PDE4D: variants seen among roughly 807,000 people sequenced by gnomAD.
PDE4D encodes the protein 3',5'-cyclic-AMP phosphodiesterase 4D.
A neutral mutation model predicts 87.4 loss-of-function variants in PDE4D; 24 were observed. The observed-to-expected ratio is 0.27, with a 90% CI of 0.20 to 0.39. PDE4D has a LOEUF of 0.39. Among genes scored for constraint, PDE4D ranks in the 10% least tolerant of loss-of-function variants. PDE4D has a pLI of 1.00. For missense variants in PDE4D, 714 were observed against 1,041.0 expected, an observed-to-expected ratio of 0.69 and a Z score of 4.32; for synonymous variants, 384 against 383.2, an observed-to-expected ratio of 1.00 and a Z score of -0.02.
At chr5:60,121,108 C>G (rs530584475) in intron 2 of PDE4D, among the ~76,000 whole-genome samples, 12 of 152,044 alleles carry the variant, frequency 7.9e-5, no homozygotes, top group Admixed American at 2.6e-4. Context: ...CTCGGAATGG[C>G]TCTCCTTGTT....
intron 1 of PDE4D, among the ~76,000 whole-genome samples, chr5:59,649,945 A>ATGTCACTG (rs1402516724): frequency 2.8e-5 from 1 of 35,200 alleles, no homozygotes. Flanking sequence ...CAATGACCCA[A>ATGTCACTG]TGTCACTGTA....
intron 5 of PDE4D, among the ~76,000 whole-genome samples, chr5:59,151,756 G>A (rs552606501): frequency 2.0e-5 from 3 of 152,202 alleles, no homozygotes; most frequent in South Asian, 2.1e-4. Context: ...GGACAGAGTT[G>A]GACTGGGTGA....
chr5:59,247,036 C>T (rs1016738284), intron 1 of PDE4D, among the ~76,000 whole-genome samples: 1 of 152,176 alleles, frequency 6.6e-6, no homozygotes, highest in Non-Finnish European at 1.5e-5. Context: ...ACTACCTACA[C>T]CCACACACAT....
At chr5:60,098,119 T>C (rs1303091247) in intron 2 of PDE4D, among the ~76,000 whole-genome samples, 1 of 151,932 alleles carries the variant, frequency 6.6e-6, no homozygotes, top group Non-Finnish European at 1.5e-5. Context: ...TGACTTCCAC[T>C]TACTCTTTGC....
At chr5:59,958,758 A>G (rs1021859565) in intron 3 of PDE4D, among the ~76,000 whole-genome samples, 2 of 152,174 alleles carry the variant, frequency 1.3e-5, no homozygotes, top group African/African-American at 4.8e-5. Context: ...CAAACGCTGG[A>G]AACATTCCCC....
Position 58,994,812 on chromosome 5 carries a change from G to A in PDE4D, c.922-1347C>T, listed in dbSNP as rs188636451. 2.2e-3 allele frequency among the ~76,000 whole-genome samples: 330 copies of A among 152,066 alleles called. 2 individuals carry two copies. The highest frequency in any genetic ancestry group is 7.5e-3 in the African/African-American group (312 of 41,478). On this transcript the variant is annotated intron_variant, in intron 6 of 14. Transcript: ENST00000340635. ...CAAAAAACCCTCAACCATTTCAATGGACTGTTGGATGAGAGAAATGTGTAT... is the reference window on the plus strand; with the variant it reads ...CAAAAAACCCTCAACCATTTCAATGAACTGTTGGATGAGAGAAATGTGTAT...
chr5:59,993,180 C>G (rs1244716480), intron 2 of PDE4D, among the ~76,000 whole-genome samples: 3 of 152,130 alleles, frequency 2.0e-5, no homozygotes, highest in African/African-American at 7.2e-5. Flanking sequence ...GGGTCTTATT[C>G]CAGATCTTCC....
intron 1 of PDE4D, among the ~76,000 whole-genome samples, chr5:59,826,775 T>A (rs767341825): frequency 1.3e-5 from 2 of 152,224 alleles, no homozygotes; most frequent in African/African-American, 4.8e-5. Flanking sequence ...GCTTTTTTAA[T>A]AGATAAAGGG....
At position 59,488,409 on chromosome 5, in the gene PDE4D, A is replaced by G. The variant is rs79077253; in HGVS notation, c.456-272441T>C. On this transcript the variant is annotated intron_variant, in intron 1 of 14. Coordinates refer to ENST00000340635, the MANE Select transcript of PDE4D (RefSeq NM_001104631.2). ...GATTTGGAATACAGCTATTTAATCTATCAGAAATTAGTTTGGAGTAGATAA... is the reference window on the plus strand; with the variant it reads ...GATTTGGAATACAGCTATTTAATCTGTCAGAAATTAGTTTGGAGTAGATAA... 2.7e-3 allele frequency among the ~76,000 whole-genome samples: 408 copies of G among 152,312 alleles called. 1 individual carries two copies. Among genetic ancestry groups the G allele is most frequent in the Admixed American group, 6.4e-3 (98 of 15,290 alleles).
intron 1 of PDE4D, among the ~76,000 whole-genome samples, chr5:59,307,651 C>T (rs1365383631): frequency 1.3e-5 from 2 of 150,840 alleles, no homozygotes; most frequent in African/African-American, 4.9e-5. Context: ...CAAATCAAAA[C>T]CACAATGAGA....
intron 1 of PDE4D, among the ~76,000 whole-genome samples, chr5:60,287,585 T>C (rs1583310808): frequency 6.6e-6 from 1 of 152,146 alleles, no homozygotes; most frequent in African/African-American, 2.4e-5. Flanking sequence ...ATCCTCTGCC[T>C]CCTTTTCTCT....
At chr5:59,130,583 C>T (rs949751548) in intron 5 of PDE4D, among the ~76,000 whole-genome samples, 1 of 152,122 alleles carries the variant, frequency 6.6e-6, no homozygotes, top group South Asian at 2.1e-4. Flanking sequence ...GTTGGCTAAC[C>T]CAAATTTCGT....
At chr5:59,297,013 C>T (rs1769235476) in intron 1 of PDE4D, among the ~76,000 whole-genome samples, 1 of 152,138 alleles carries the variant, frequency 6.6e-6, no homozygotes, top group South Asian at 2.1e-4. Flanking sequence ...ACACAGGGCT[C>T]ACTGTAATTA....
chr5:59,401,005 A>C (rs1790509959), intron 1 of PDE4D, among the ~76,000 whole-genome samples: 1 of 152,192 alleles, frequency 6.6e-6, no homozygotes, highest in Non-Finnish European at 1.5e-5. Context: ...AAAGTCTAAA[A>C]CTTTTTGGTC....
intron 1 of PDE4D, among the ~76,000 whole-genome samples, chr5:60,414,049 G>A (rs1397102435): frequency 2.0e-5 from 3 of 152,060 alleles, no homozygotes; most frequent in Non-Finnish European, 2.9e-5. Context: ...CTCCCCTTTC[G>A]AAGGTAAGCA....
At chr5:59,811,322 A>G (rs1376495236) in intron 1 of PDE4D, among the ~76,000 whole-genome samples, 1 of 152,192 alleles carries the variant, frequency 6.6e-6, no homozygotes, top group Non-Finnish European at 1.5e-5. Flanking sequence ...CCACCAAGCT[A>G]CTTTTCCCAC....
In PDE4D at chr5:60,185,556, C is replaced by T; in HGVS notation, c.42+1G>A. On this transcript the variant is annotated splice_donor_variant, in intron 2 of 16. Coordinates refer to the PDE4D transcript ENST00000502484. LOFTEE classifies it high-confidence loss of function. Reference sequence around the variant, plus strand: ...AATAGATGAAAACAAAAGTTACTTACACTTTTGCTCCGAGAAAGCAAATCA... The same window carrying T: ...AATAGATGAAAACAAAAGTTACTTATACTTTTGCTCCGAGAAAGCAAATCA... 1 of 1,524,286 alleles carries T rather than the reference C, an allele frequency of 6.6e-7. No homozygotes were observed. The highest frequency in any genetic ancestry group is 1.2e-5 in the South Asian group (1 of 83,558). 94.4% of individuals were successfully genotyped at this position (1,524,286 alleles called of 1,614,324 possible). A position where few individuals can be genotyped will look rare whatever the true frequency, so the allele number is the denominator to read the frequency against.
chr5:59,688,413 A>T (rs993170876), intron 1 of PDE4D, among the ~76,000 whole-genome samples: 3 of 152,176 alleles, frequency 2.0e-5, no homozygotes, highest in Non-Finnish European at 4.4e-5. Context: ...GGATTAAGAA[A>T]CTCACTCAAA....
At chr5:60,126,905 A>G (rs1779166947) in intron 2 of PDE4D, among the ~76,000 whole-genome samples, 1 of 152,212 alleles carries the variant, frequency 6.6e-6, no homozygotes, top group Non-Finnish European at 1.5e-5. Flanking sequence ...ATTTAATCAC[A>G]TTTACATTAA....
Sources: gnomAD v4.1 joint callset for allele counts (sites outside exome capture counted in the v4.1 genomes callset) on GRCh38, gnomAD v4.1.1 for gene constraint, MANE v1.5 for transcripts, NCBI Gene and HGNC (gene_info 2026-07-23, HGNC 2026-07-21) for gene names.